SUN1: variants seen among roughly 807,000 people sequenced by gnomAD.
SUN1 encodes the protein SUN domain-containing protein 1.
SUN1 carries 61 observed loss-of-function variants against 103.2 expected under a neutral mutation model. The observed-to-expected ratio is 0.59, with a 90% confidence interval of 0.48 to 0.73. The LOEUF is 0.73. Among genes scored for constraint, SUN1 ranks in the 30% least tolerant of loss-of-function variants. The probability of loss-of-function intolerance (pLI) is 0.00; values close to 1 mark genes in which losing one functional copy is unlikely to be tolerated. For missense variants in SUN1, 1,052 were observed against 1,034.6 expected (o/e 1.02, Z -0.23); for synonymous variants, 490 against 425.7 (o/e 1.15, Z -1.86).
At chr7:828,766 C>T (rs372883945), upstream of SUN1, among the ~76,000 whole-genome samples, 14 of 152,226 alleles carry the variant, frequency 9.2e-5, no homozygotes, top group East Asian at 1.9e-3. Context: ...GTGTGTGCTT[C>T]TCTAGTGTCG....
At chr7:848,453 C>T in intron 5 of SUN1, 1 of 1,362,046 alleles carries the variant, frequency 7.3e-7, no homozygotes, top group Non-Finnish European at 9.8e-7. Flanking sequence ...GATTTTGTGG[C>T]TGGCCAGATA....
Position 860,149 on chromosome 7 carries a change from A to T in SUN1, c.1546A>T (p.Met516Leu). The T allele has an allele frequency of 6.2e-7, 1 of 1,614,186 alleles. No homozygotes were observed. The change falls in exon 14 of 19, where the codon ATG (methionine) becomes TTG (leucine). Residue 516 changes from methionine (M) to leucine (L), a missense_variant. By Grantham distance (15) the Met-to-Leu change is conservative (BLOSUM62 2). This residue lies in a region of SUN1 where 846 missense variants were observed against 774.5 expected (regional missense o/e 1.09). Coordinates refer to ENST00000401592, the MANE Select transcript of SUN1 (RefSeq NM_001130965.3). ...QERVDVQVRE[M>L]VKLLFSEDQQ... Reference sequence around the variant, plus strand: ...CTAGGTGGACGTGCAAGTCAGAGAAATGGTGAAACTCCTGTTTTCCGAAGA... The same window carrying T: ...CTAGGTGGACGTGCAAGTCAGAGAATTGGTGAAACTCCTGTTTTCCGAAGA...
chr7:843,747 T>G (rs1326154473), intron 5 of SUN1: 1 of 1,429,684 alleles, frequency 7.0e-7, no homozygotes, highest in Non-Finnish European at 9.1e-7. Flanking sequence ...TCTATAAATT[T>G]GGACTTGACG....
At chr7:860,662 G>T (rs1418776475) in intron 14 of SUN1, among the ~76,000 whole-genome samples, 1 of 152,198 alleles carries the variant, frequency 6.6e-6, no homozygotes, top group Non-Finnish European at 1.5e-5. Flanking sequence ...GAGCCCATCT[G>T]CCTGTGTGGT....
chr7:839,224 C>G, intron 2 of SUN1: 1 of 431,176 alleles, frequency 2.3e-6, no homozygotes, highest in Non-Finnish European at 4.0e-6. Flanking sequence ...GTTCTTGTTT[C>G]AAGTTCTCTT....
At chr7:828,311 AC>A (rs1164070339), upstream of SUN1, among the ~76,000 whole-genome samples, 2 of 151,568 alleles carry the variant, frequency 1.3e-5, no homozygotes, top group Non-Finnish European at 2.9e-5. Flanking sequence ...TCACTCTGTC[AC>A]CCAGGCTGGA....
intron 9 of SUN1, chr7:853,203 G>C: frequency 1.3e-6 from 1 of 746,412 alleles, no homozygotes; most frequent in Non-Finnish European, 2.1e-6. Context: ...ACAAAGTACA[G>C]AAAGTATAGA....
chr7:857,280 G>A (rs1175668903), intron 12 of SUN1, among the ~76,000 whole-genome samples: 1 of 152,162 alleles, frequency 6.6e-6, no homozygotes, highest in Non-Finnish European at 1.5e-5. Context: ...TGTGAGAGCT[G>A]GAGCACGGTT....
At chr7:869,176 C>G (rs1031763037) in intron 16 of SUN1, 173 bp from the exon 17 acceptor site, 24 of 774,342 alleles carry the variant, frequency 3.1e-5, no homozygotes, top group Non-Finnish European at 5.0e-5. Context: ...TAGTGGCCCT[C>G]TGAGGAGTGA....
In SUN1 at chr7:817,369, C is replaced by A; in HGVS notation, c.-74+696C>A. On this transcript the variant is annotated intron_variant, in intron 1 of 17. Coordinates refer to the SUN1 transcript ENST00000389574. The stretch of plus-strand genomic sequence containing the variant: ...CTGCCTGGAGGCGCGCGCGTGGTCT[C>A]CGCGCCCTGTTGCGCCTTCAAAGTG... 2.0e-6 allele frequency: 3 copies of A among 1,519,774 alleles called. No homozygotes were observed. In the South Asian group the frequency reaches 3.6e-5, roughly 18 times the overall value. 94.1% of individuals were successfully genotyped at this position (1,519,774 alleles called of 1,614,324 possible).
Position 842,096 on chromosome 7 carries a change from G to C in SUN1, c.417G>C (p.Trp139Cys). The C allele has an allele frequency of 6.2e-7, 1 of 1,614,254 alleles. No individual in the cohort carries two copies. ...TRRPPVLDES[W>C]IREQTTVDHF... The stretch of plus-strand genomic sequence containing the variant: ...GGCCTCCTGTATTGGACGAGTCTTG[G>C]ATTCGTGAACAGACCACAGTGGACC... Residue 139 changes from tryptophan (W) to cysteine (C), a missense_variant, in exon 3 of 19, where the codon TGG becomes TGC. Coordinates refer to ENST00000401592, the MANE Select transcript of SUN1 (RefSeq NM_001130965.3).
intron 7 of SUN1, 146 bp downstream of exon 7, chr7:852,189 C>G (rs996318000): frequency 7.9e-6 from 6 of 758,118 alleles, no homozygotes; most frequent in African/African-American, 1.8e-5. Flanking sequence ...CTTTTATATT[C>G]TTATTTTTCA....
rs531366682 is a variant in SUN1, at chr7:838,651, C to T, written c.78-147C>T. On this transcript the variant is annotated intron_variant, in intron 1 of 18. Transcript: ENST00000401592. ...GCTGGCTGACCTGTGTGCCACCGTA[C>T]GTTTGCTTTAGAGTGAGGTTGTCAC... 9 of 761,068 alleles carry T rather than the reference C, an allele frequency of 1.2e-5. 1 individual carries two copies. The highest frequency in any genetic ancestry group is 5.9e-5 in the East Asian group (2 of 33,806). 47.1% of individuals were successfully genotyped at this position (761,068 alleles called of 1,614,324 possible). A position where few individuals can be genotyped will look rare whatever the true frequency, so the allele number is the denominator to read the frequency against.
intron 5 of SUN1, chr7:849,793 T>G (rs1820146881): frequency 8.6e-7 from 1 of 1,167,862 alleles, no homozygotes; most frequent in Admixed American, 1.8e-5. Context: ...CGCATTTGCT[T>G]TGATTGTTGA....
chr7:832,413 T>A (rs999415063), upstream of SUN1: 8 of 1,056,942 alleles, frequency 7.6e-6, no homozygotes, highest in African/African-American at 7.9e-5. Context: ...CTGAGTTGAG[T>A]TGCGTGTAGG....
chr7:857,992 A>C (rs1357808501), intron 13 of SUN1, 35 bp downstream of exon 13: 3 of 1,519,682 alleles, frequency 2.0e-6, no homozygotes, highest in Non-Finnish European at 2.7e-6. Flanking sequence ...TTGTTTTATA[A>C]TAGAAAGTAA....
intron 15 of SUN1, among the ~76,000 whole-genome samples, chr7:863,236 G>A (rs531689790): frequency 2.6e-4 from 39 of 151,400 alleles, no homozygotes; most frequent in Non-Finnish European, 3.7e-4. Flanking sequence ...TCCCGAGCTC[G>A]CCCTTGCTGC....
rs1003010353 is a variant in SUN1 at position 860,328 on chromosome 7, A to G, written c.1725A>G (p.Ser575=). 8 of 1,614,228 alleles carry G rather than the reference A, an allele frequency of 5.0e-6. No individual in the cohort carries two copies. The highest frequency in any genetic ancestry group is 2.2e-5 in the East Asian group (1 of 44,884). The change falls in exon 14 of 19, where the codon TCA becomes TCG. Residue 575 remains serine, a synonymous_variant. Transcript: ENST00000401592. ...CCGTGACCAAGCAGCTCCCAACCTC[A>G]GAAGCCGTGGTGTCTGCTGTGAGCG... ...HVSVTKQLPT[S]EAVVSAVSEA...
At position 843,351 on chromosome 7, in the gene SUN1, A is replaced by G; in HGVS notation, c.489A>G (p.Lys163=). 6.2e-7 allele frequency: 1 copy of G among 1,606,014 alleles called. No individual in the cohort carries two copies. Among genetic ancestry groups the G allele is most frequent in the Non-Finnish European group, 8.5e-7 (1 of 1,176,152 alleles). Residue 163 remains lysine (K), a synonymous_variant, in exon 5 of 19, where the codon AAA becomes AAG. Coordinates refer to ENST00000401592, the MANE Select transcript of SUN1 (RefSeq NM_001130965.3). ...DDDGDLKGGN[K]AAIQGNGDVG... is the part of the protein sequence containing the mutation. ...GTTTGAAAACTTTAGGTGGAAATAAAGCTGCCATTCAGGGAAACGGGGATG... is the reference window on the plus strand; with the variant it reads ...GTTTGAAAACTTTAGGTGGAAATAAGGCTGCCATTCAGGGAAACGGGGATG...
Sources: gnomAD v4.1 joint callset for allele counts (sites outside exome capture counted in the v4.1 genomes callset) on GRCh38, gnomAD v4.1.1 for gene constraint, gnomAD v4.1.1 regional missense constraint, MANE v1.5 for transcripts, NCBI Gene and HGNC (gene_info 2026-07-23, HGNC 2026-07-21) for gene names.